The following SEMA6D variants were observed in gnomAD, a reference collection of about 807,000 sequenced individuals.
SEMA6D encodes the protein semaphorin 6D.
In SEMA6D, 35 loss-of-function variants were observed where a neutral mutation model predicts 106.6. That is an observed-to-expected ratio of 0.33 (90% CI 0.25 to 0.44). The LOEUF (loss-of-function observed/expected upper bound fraction) is 0.44. Among genes scored for constraint, SEMA6D ranks in the 20% least tolerant of loss-of-function variants. The probability of loss-of-function intolerance (pLI) is 1.00; values close to 1 mark genes in which losing one functional copy is unlikely to be tolerated. For synonymous variants in SEMA6D, 499 were observed against 487.7 expected (o/e 1.02, Z -0.31); for missense variants, 1,185 against 1,345.9 (o/e 0.88, Z 1.87).
intron 1 of SEMA6D, chr15:47,185,865 A>G (rs1195272783): frequency 6.6e-6 from 1 of 152,150 alleles, no homozygotes; most frequent in Non-Finnish European, 1.5e-5. Context: ...ACAAAGGAGG[A>G]TGCATTTTGC....
At chr15:47,355,940 A>G (rs892691295) in intron 1 of SEMA6D, among the ~76,000 whole-genome samples, 8 of 152,200 alleles carry the variant, frequency 5.3e-5, no homozygotes, top group Non-Finnish European at 1.2e-4. Flanking sequence ...TCTAAACATG[A>G]CATTCTATAC....
At chr15:47,291,945 A>G (rs1170323729) in intron 1 of SEMA6D, among the ~76,000 whole-genome samples, 2 of 152,204 alleles carry the variant, frequency 1.3e-5, no homozygotes, top group Non-Finnish European at 2.9e-5. Flanking sequence ...TCAAGTTAAC[A>G]TGCTCCACCT....
intron 3 of SEMA6D, among the ~76,000 whole-genome samples, chr15:47,542,001 G>A (rs1353173749): frequency 6.6e-6 from 1 of 152,066 alleles, no homozygotes; most frequent in Non-Finnish European, 1.5e-5. Context: ...TAAAAAAACT[G>A]TTATATATGC....
intron 2 of SEMA6D, among the ~76,000 whole-genome samples, chr15:47,456,122 A>G (rs181049467): frequency 8.9e-4 from 135 of 152,014 alleles, no homozygotes; most frequent in African/African-American, 3.2e-3. Context: ...GACAATTAGG[A>G]TATAGAACCA....
chr15:47,627,858 A>G (rs1176868926), intron 4 of SEMA6D, among the ~76,000 whole-genome samples: 1 of 152,028 alleles, frequency 6.6e-6, no homozygotes, highest in African/African-American at 2.4e-5. Context: ...CTCCCTGACC[A>G]CTGACCCCTG....
At chr15:47,551,140 T>C (rs1005730058) in intron 3 of SEMA6D, among the ~76,000 whole-genome samples, 1 of 152,166 alleles carries the variant, frequency 6.6e-6, no homozygotes, top group Non-Finnish European at 1.5e-5. Flanking sequence ...CTTATTTCTG[T>C]CTTGGGCTCC....
chr15:47,555,308 C>T (rs907710058), intron 3 of SEMA6D, among the ~76,000 whole-genome samples: 6 of 152,114 alleles, frequency 3.9e-5, no homozygotes, highest in Non-Finnish European at 7.4e-5. Context: ...TTCTTTTTCT[C>T]ATAACGGTTA....
chr15:47,621,154 C>A (rs1382153118), intron 4 of SEMA6D, among the ~76,000 whole-genome samples: 1 of 152,146 alleles, frequency 6.6e-6, no homozygotes, highest in Non-Finnish European at 1.5e-5. Flanking sequence ...TCTCAAACTT[C>A]CCCTAGGTGA....
intron 1 of SEMA6D, among the ~76,000 whole-genome samples, chr15:47,344,169 T>C (rs2037946116): frequency 6.8e-6 from 1 of 147,414 alleles, no homozygotes; most frequent in Non-Finnish European, 1.5e-5. Flanking sequence ...TGGAAGTCGG[T>C]GTGGCGATTC....
At chr15:47,306,174 G>A (rs1164743556) in intron 1 of SEMA6D, among the ~76,000 whole-genome samples, 2 of 151,576 alleles carry the variant, frequency 1.3e-5, no homozygotes, top group Non-Finnish European at 2.9e-5. Context: ...TAGTAGAGAT[G>A]GAGTTTCACC....
At chr15:47,663,024 GA>G (rs1337654584) in intron 4 of SEMA6D, among the ~76,000 whole-genome samples, 2 of 152,166 alleles carry the variant, frequency 1.3e-5, no homozygotes, top group Non-Finnish European at 2.9e-5. Context: ...AAGGTAAGTT[GA>G]AACCATATGC....
chr15:47,191,155 CAG>C (rs1391819556), intron 1 of SEMA6D, among the ~76,000 whole-genome samples: 2 of 148,792 alleles, frequency 1.3e-5, no homozygotes, highest in African/African-American at 2.5e-5. Flanking sequence ...GCCTGAGCAA[CAG>C]AGTGATACCC....
chr15:47,514,643 C>T (rs1183775708), intron 3 of SEMA6D, among the ~76,000 whole-genome samples: 5 of 152,190 alleles, frequency 3.3e-5, no homozygotes, highest in Admixed American at 3.3e-4. Context: ...AGTCTAACTG[C>T]TTCTACTAAT....
At chr15:47,531,987 T>C (rs1393346876) in intron 3 of SEMA6D, among the ~76,000 whole-genome samples, 2 of 152,160 alleles carry the variant, frequency 1.3e-5, no homozygotes, top group African/African-American at 4.8e-5. Context: ...TCTAATACAA[T>C]GGCACCTCTA....
chr15:47,543,451 T>A (rs2045419075), intron 3 of SEMA6D, among the ~76,000 whole-genome samples: 1 of 152,144 alleles, frequency 6.6e-6, no homozygotes, highest in Non-Finnish European at 1.5e-5. Flanking sequence ...AGATGTGACT[T>A]TGCTCCTCAT....
rs1002457131 is a variant in SEMA6D, at chr15:47,389,723, C to T, written c.-238-22670C>T. On this transcript the variant is annotated intron_variant, in intron 1 of 19. Transcript: ENST00000558014. ...AACCCGAAGTGTCTTAACTCTCCACCCAGTTGTTTAGGCTGGAAATTTGGG... is the reference window on the plus strand; with the variant it reads ...AACCCGAAGTGTCTTAACTCTCCACTCAGTTGTTTAGGCTGGAAATTTGGG... 1.1e-4 allele frequency among the ~76,000 whole-genome samples: 16 copies of T among 152,232 alleles called. No homozygotes were observed. The East Asian group carries it at 1.5e-3, about 15-fold the overall frequency.
intron 2 of SEMA6D, among the ~76,000 whole-genome samples, chr15:47,465,959 T>G (rs990229835): frequency 3.9e-5 from 6 of 152,166 alleles, no homozygotes; most frequent in African/African-American, 1.2e-4. Flanking sequence ...AATGTTCATA[T>G]TTGTAACTTT....
At chr15:47,186,067 G>A (rs993153257) in intron 1 of SEMA6D, among the ~76,000 whole-genome samples, 1 of 151,942 alleles carries the variant, frequency 6.6e-6, no homozygotes, top group African/African-American at 2.4e-5. Context: ...ATGTATGTAT[G>A]TGTGCATGTA....
intron 1 of SEMA6D, among the ~76,000 whole-genome samples, chr15:47,741,440 G>A (rs2080807582): frequency 6.6e-6 from 1 of 152,208 alleles, no homozygotes; most frequent in Non-Finnish European, 1.5e-5. Context: ...AAGAAGGCCG[G>A]GCACAGTGGC....
Sources: gnomAD v4.1 joint callset for allele counts (sites outside exome capture counted in the v4.1 genomes callset) on GRCh38, gnomAD v4.1.1 for gene constraint, MANE v1.5 for transcripts, NCBI Gene and HGNC (gene_info 2026-07-23, HGNC 2026-07-21) for gene names.